Variants in PRPF6 observed in about 807,000 individuals in gnomAD.
PRPF6 encodes the protein pre-mRNA-processing factor 6.
PRPF6 carries 42 observed loss-of-function variants against 118.3 expected under a neutral mutation model. That is an observed-to-expected ratio of 0.35 (90% CI 0.28 to 0.46). PRPF6 has a LOEUF of 0.46. Among genes scored for constraint, PRPF6 ranks in the 20% least tolerant of loss-of-function variants. The pLI is 1.00. For missense variants in PRPF6, 662 were observed against 1,255.7 expected, an observed-to-expected ratio of 0.53 and a Z score of 7.15; for synonymous variants, 481 against 485.1, an observed-to-expected ratio of 0.99 and a Z score of 0.11.
intron 9 of PRPF6, among the ~76,000 whole-genome samples, chr20:64,007,842 G>A (rs2059197685): frequency 6.6e-6 from 1 of 152,022 alleles, no homozygotes; most frequent in Non-Finnish European, 1.5e-5. Flanking sequence ...CAGTGTCACA[G>A]TCTCAGCTTA....
chr20:64,001,899 G>A (rs1223141129), intron 9 of PRPF6, among the ~76,000 whole-genome samples: 2 of 151,902 alleles, frequency 1.3e-5, no homozygotes, highest in Non-Finnish European at 2.9e-5. Context: ...CACTGGAAGT[G>A]TGTAGTAGAT....
At chr20:64,031,018 G>A (rs1236978562) in intron 19 of PRPF6, among the ~76,000 whole-genome samples, 2 of 152,362 alleles carry the variant, frequency 1.3e-5, no homozygotes, top group South Asian at 2.1e-4. Context: ...CTCCAGCAGC[G>A]GGTGGGGGTG....
At chr20:64,006,210 C>T (rs2059189182) in intron 9 of PRPF6, among the ~76,000 whole-genome samples, 1 of 151,920 alleles carries the variant, frequency 6.6e-6, no homozygotes, top group African/African-American at 2.4e-5. Context: ...CTTTGGGAGT[C>T]AGGGTTAGCC....
At position 64,024,594 on chromosome 20, in the gene PRPF6, C is replaced by T; in HGVS notation, c.1809C>T (p.His603=). Residue 603 remains histidine, a synonymous_variant, in exon 14 of 21, where the codon CAC becomes CAT. Coordinates refer to ENST00000266079, the MANE Select transcript of PRPF6 (RefSeq NM_012469.4). ...CACTCCTGCAGAGGGCTGTGGCCCA[C>T]TGCCCCAAAGCAGAGGTGCTGTGGC... is the stretch of plus-strand genomic sequence containing the variant. ...LEALLQRAVA[H]CPKAEVLWLM... The T allele has an allele frequency of 6.2e-7, 1 of 1,613,740 alleles. No individual in the cohort carries two copies. The highest frequency in any genetic ancestry group is 1.3e-5 in the African/African-American group (1 of 75,068).
intron 20 of PRPF6, among the ~76,000 whole-genome samples, chr20:64,032,286 C>T (rs555449034): frequency 2.6e-5 from 4 of 152,324 alleles, no homozygotes; most frequent in Non-Finnish European, 4.4e-5. Context: ...GCACCCTGTC[C>T]GTTAGGGTGG....
chr20:64,022,194 C>T (rs2059269929), intron 12 of PRPF6, among the ~76,000 whole-genome samples: 1 of 152,260 alleles, frequency 6.6e-6, no homozygotes, highest in Non-Finnish European at 1.5e-5. Flanking sequence ...TTGTCTCTTT[C>T]ATGTACACTG....
chr20:63,996,333 T>C (rs1055733519), intron 6 of PRPF6, among the ~76,000 whole-genome samples: 2 of 151,832 alleles, frequency 1.3e-5, no homozygotes, highest in Non-Finnish European at 2.9e-5. Context: ...AGTGAGACTG[T>C]CTCAAAATAA....
At chr20:63,984,777 T>G (rs759680928) in intron 2 of PRPF6, 130 bp from the exon 3 acceptor site, 55 of 693,194 alleles carry the variant, frequency 7.9e-5, no homozygotes, top group Non-Finnish European at 1.3e-4. Context: ...TGGTAGACTG[T>G]CCCTTGATTT....
rs919949698 is a variant in PRPF6 at position 64,027,270 on chromosome 20, G to C, written c.2205+112G>C. ...TCTGAGGAGATGTGGAGGGCTGGGGGTTACAGCTGATGGAGCTGCAGACTC... is the reference window on the plus strand; with the variant it reads ...TCTGAGGAGATGTGGAGGGCTGGGGCTTACAGCTGATGGAGCTGCAGACTC... On this transcript the variant is annotated intron_variant, in intron 16 of 20. Transcript: ENST00000266079. This position sits in a 1 kb window ranked among gnomAD's most constrained non-coding sequence, Gnocchi z 6.5. The C allele has an allele frequency of 2.9e-5, 40 of 1,386,088 alleles. No individual in the cohort carries two copies. Among genetic ancestry groups the C allele is most frequent in the Middle Eastern group, 5.0e-4 (2 of 4,028 alleles). The allele number at this position is 1,386,088 out of a possible 1,614,324, so 85.9% of individuals were successfully genotyped here. A position where few individuals can be genotyped will look rare whatever the true frequency, so the allele number is the denominator to read the frequency against.
intron 13 of PRPF6, among the ~76,000 whole-genome samples, chr20:64,023,973 TTG>T (rs971339185): frequency 1.3e-5 from 2 of 152,162 alleles, no homozygotes; most frequent in African/African-American, 4.8e-5. Flanking sequence ...CACAGTGTGA[TTG>T]TGTGTGGTCA....
intron 3 of PRPF6, among the ~76,000 whole-genome samples, chr20:63,986,122 T>G (rs536812495): frequency 6.6e-6 from 1 of 152,082 alleles, no homozygotes; most frequent in East Asian, 1.9e-4. Flanking sequence ...TGATGGGTCA[T>G]CTGAGGTCAG....
chr20:63,997,288 C>CTTTTTTTT (rs928046111), intron 6 of PRPF6, among the ~76,000 whole-genome samples: 1 of 112,712 alleles, frequency 8.9e-6, no homozygotes, highest in African/African-American at 3.5e-5. Flanking sequence ...TCAGCATGTT[C>CTTTTTTTT]TTTTTTTTTT....
rs1287266389 is a variant in PRPF6, at chr20:64,011,323, T to C, written c.1344T>C (p.Asn448=). 9 of 1,614,000 alleles carry C rather than the reference T, an allele frequency of 5.6e-6. No homozygotes were observed. Among genetic ancestry groups the C allele is most frequent in the African/African-American group, 2.7e-5 (2 of 74,908 alleles). The change falls in exon 11 of 21, where the codon AAT becomes AAC. Residue 448 remains asparagine (N), a synonymous_variant. Transcript: ENST00000266079. The surrounding 1 kb of genome is among the most constrained non-coding windows in gnomAD (Gnocchi z 6.7). ...LALARLETYE[N]ARKVLNKARE... The stretch of plus-strand genomic sequence containing the variant: ...TGGCAAGGCTGGAGACCTATGAAAA[T>C]GCCCGCAAGGTCTTGAACAAGGCGC...
Position 64,027,167 on chromosome 20 carries a change from CTGCCTGCACCCTG to C in PRPF6, c.2205+10_2205+22del, listed in dbSNP as rs1232291344. The C allele has an allele frequency of 2.5e-6, 4 of 1,612,728 alleles. No individual in the cohort carries two copies. Among genetic ancestry groups the C allele is most frequent in the Non-Finnish European group, 3.4e-6 (4 of 1,179,954 alleles). On this transcript the variant is annotated intron_variant, in intron 16 of 20. Transcript: ENST00000266079. This position sits in a 1 kb window ranked among gnomAD's most constrained non-coding sequence, Gnocchi z 6.5. ...AAGCCTATAACCAGGGGGTACGTCT[CTGCCTGCACCCTG>C]GGGCTGCAGCTGACCCGGCATTCAC...
intron 3 of PRPF6, among the ~76,000 whole-genome samples, chr20:63,989,828 C>T (rs756525740): frequency 2.6e-5 from 4 of 151,912 alleles, no homozygotes; most frequent in South Asian, 4.2e-4. Context: ...GCTTTTTATA[C>T]ATGTAATCAT....
chr20:63,992,073 T>A (rs2059121164), intron 3 of PRPF6, among the ~76,000 whole-genome samples: 1 of 152,114 alleles, frequency 6.6e-6, no homozygotes, highest in South Asian at 2.1e-4. Context: ...TAGTTACTGT[T>A]TTTCCTTGTA....
chr20:64,028,406 G>C lies in PRPF6; in HGVS notation c.2340-72G>C. 6.6e-7 allele frequency: 1 copy of C among 1,517,774 alleles called. No individual in the cohort carries two copies. Among genetic ancestry groups the C allele is most frequent in the East Asian group, 2.3e-5 (1 of 44,298 alleles). The allele number at this position is 1,517,774 out of a possible 1,614,324, so 94.0% of individuals were successfully genotyped here. A position where few individuals can be genotyped will look rare whatever the true frequency, so the allele number is the denominator to read the frequency against. On this transcript the variant is annotated intron_variant, in intron 17 of 20. Transcript: ENST00000266079. The surrounding 1 kb of genome is among the most constrained non-coding windows in gnomAD (Gnocchi z 6.5). ...TGGGTGGAGAGCCCTTTCAGACAAGGCTTCCCAGAAGCTACCAGAATATGT... is the reference window on the plus strand; with the variant it reads ...TGGGTGGAGAGCCCTTTCAGACAAGCCTTCCCAGAAGCTACCAGAATATGT...
chr20:64,021,271 C>T (rs931910332), intron 12 of PRPF6, among the ~76,000 whole-genome samples: 1 of 149,278 alleles, frequency 6.7e-6, no homozygotes, highest in Middle Eastern at 3.7e-3. Context: ...ATGCCTATGC[C>T]TTGGCCACAG....
intron 12 of PRPF6, among the ~76,000 whole-genome samples, chr20:64,018,821 A>G (rs2059250647): frequency 6.6e-6 from 1 of 152,126 alleles, no homozygotes; most frequent in African/African-American, 2.4e-5. Context: ...GGAATTCTAC[A>G]GTAACGAAGA....
Sources: gnomAD v4.1 joint callset for allele counts (sites outside exome capture counted in the v4.1 genomes callset) on GRCh38, gnomAD v4.1.1 for gene constraint, Gnocchi (gnomAD v3.1) non-coding constraint, MANE v1.5 for transcripts, NCBI Gene and HGNC (gene_info 2026-07-23, HGNC 2026-07-21) for gene names.